The following ARHGAP42 variants were observed in gnomAD, a reference collection of about 807,000 sequenced individuals.
ARHGAP42 encodes rho GTPase-activating protein 42.
ARHGAP42 carries 63 observed loss-of-function variants against 125.0 expected under a neutral mutation model. The ratio of observed to expected loss-of-function variants is 0.50; its 90% confidence interval spans 0.41 to 0.62. The LOEUF is 0.62. Among genes scored for constraint, ARHGAP42 ranks in the 20% least tolerant of loss-of-function variants. The pLI, the probability that ARHGAP42 is intolerant of heterozygous loss-of-function variation, is 0.00. For missense variants in ARHGAP42, 766 were observed against 1,024.2 expected (o/e 0.75, Z 3.44); for synonymous variants, 339 against 351.0 (o/e 0.97, Z 0.38).
At chr11:100,819,265 G>C (rs1466170217) in intron 3 of ARHGAP42, among the ~76,000 whole-genome samples, 1 of 152,148 alleles carries the variant, frequency 6.6e-6, no homozygotes, top group East Asian at 1.9e-4. Flanking sequence ...GAAGGCTATT[G>C]TATTAATGCT....
chr11:100,699,500 A>ATTTT (rs1565532911), intron 1 of ARHGAP42, among the ~76,000 whole-genome samples: 3 of 40,140 alleles, frequency 7.5e-5, no homozygotes, highest in Admixed American at 3.8e-4. Flanking sequence ...ATATATATAT[A>ATTTT]TATATATTTT....
intron 10 of ARHGAP42, 89 bp from the exon 11 acceptor site, chr11:100,948,362 CTTAACT>C (rs1482223337): frequency 3.7e-5 from 30 of 805,250 alleles, no homozygotes; most frequent in African/African-American, 7.6e-5. Flanking sequence ...TCTCTTTTCT[CTTAACT>C]TTTTTTCTTC....
chr11:100,831,240 T>G (rs188235915), intron 3 of ARHGAP42, among the ~76,000 whole-genome samples: 18 of 152,226 alleles, frequency 1.2e-4, no homozygotes, highest in African/African-American at 4.1e-4. Flanking sequence ...GTGGACCTTG[T>G]AAAGGGTAGC....
chr11:100,788,172 T>G (rs2135021512), intron 2 of ARHGAP42, among the ~76,000 whole-genome samples: 1 of 152,336 alleles, frequency 6.6e-6, no homozygotes, highest in East Asian at 1.9e-4. Context: ...TTGCCTAAAC[T>G]TAACTCATCT....
At chr11:100,870,188 G>T (rs1865665202) in intron 4 of ARHGAP42, among the ~76,000 whole-genome samples, 1 of 152,146 alleles carries the variant, frequency 6.6e-6, no homozygotes, top group Non-Finnish European at 1.5e-5. Flanking sequence ...AATAGATCCA[G>T]TTACTTTTAG....
At chr11:100,976,704 T>C (rs1858399752) in intron 20 of ARHGAP42, 111 bp from the exon 21 acceptor site, 4 of 1,342,334 alleles carry the variant, frequency 3.0e-6, no homozygotes, top group Non-Finnish European at 4.0e-6. Flanking sequence ...ATTCTGTACC[T>C]TCCCATTTGG....
At chr11:100,867,428 A>T (rs548604118) in intron 4 of ARHGAP42, among the ~76,000 whole-genome samples, 60 of 152,294 alleles carry the variant, frequency 3.9e-4, no homozygotes, top group African/African-American at 1.3e-3. Context: ...TTGCTGCTTC[A>T]CCTGAGACGT....
chr11:100,941,741 A>G (rs1415662755), intron 8 of ARHGAP42, 43 bp from the exon 9 acceptor site: 1 of 1,245,602 alleles, frequency 8.0e-7, no homozygotes, highest in Non-Finnish European at 1.1e-6. Flanking sequence ...GATACAAATC[A>G]TTTATTAACA....
At position 100,921,245 on chromosome 11, in the gene ARHGAP42, ATTTTTTTTTTTTTTT is replaced by A. The variant is rs869131567; in HGVS notation, c.487-235_487-221del. Among the ~76,000 whole-genome samples the A allele has an allele frequency of 2.7e-4, 10 of 36,728 alleles. No individual in the cohort carries two copies. In the East Asian group the frequency reaches 7.7e-3, roughly 28 times the overall value. The allele number at this position is 36,728 out of a possible 152,430, so 24.1% of individuals were successfully genotyped here. On this transcript the variant is annotated intron_variant, in intron 5 of 23. Transcript: ENST00000298815. ...TATATATATATATATATATATATATATTTTTTTTTTTTTTTTTTTTTTTTTTTTACTGCAATGGGT... is the reference window on the plus strand; with the variant it reads ...TATATATATATATATATATATATATATTTTTTTTTTTTTACTGCAATGGGT...
intron 3 of ARHGAP42, among the ~76,000 whole-genome samples, chr11:100,810,664 T>C (rs941685049): frequency 6.6e-6 from 1 of 152,230 alleles, no homozygotes; most frequent in Non-Finnish European, 1.5e-5. Context: ...CATCTGAGAC[T>C]TTTAATTCTA....
At chr11:100,812,035 A>G (rs1864156844) in intron 3 of ARHGAP42, among the ~76,000 whole-genome samples, 1 of 152,186 alleles carries the variant, frequency 6.6e-6, no homozygotes, top group Admixed American at 6.5e-5. Flanking sequence ...TCCTGGGCTC[A>G]AATAATCCTC....
intron 22 of ARHGAP42, among the ~76,000 whole-genome samples, chr11:100,979,975 C>T (rs139896909): frequency 5.5e-4 from 83 of 152,184 alleles, no homozygotes; most frequent in African/African-American, 1.9e-3. Flanking sequence ...TTTCAGCAAA[C>T]ATTTATAAAG....
intron 3 of ARHGAP42, among the ~76,000 whole-genome samples, chr11:100,844,887 C>G (rs530771482): frequency 1.3e-5 from 2 of 152,194 alleles, no homozygotes; most frequent in Admixed American, 6.5e-5. Flanking sequence ...GTGGATATTC[C>G]TTAAAGAACT....
chr11:100,919,826 G>T (rs1867185429), intron 5 of ARHGAP42, among the ~76,000 whole-genome samples: 1 of 152,154 alleles, frequency 6.6e-6, no homozygotes, highest in Non-Finnish European at 1.5e-5. Flanking sequence ...ACTCCAGAGA[G>T]CCCTTTTCCT....
rs984815939 is a variant in ARHGAP42 at position 100,961,736 on chromosome 11, G to A, written c.1353G>A (p.Lys451=). Residue 451 remains lysine (K), a synonymous_variant, in exon 15 of 24, where the codon AAG becomes AAA. Transcript: ENST00000298815. ...TTGATATTGAACTGTGGGACAATAA[G>A]ACGATAACAAGTGGGCTGAAAAACT... The part of the protein sequence containing the change: ...IDIDIELWDN[K]TITSGLKNYL... 1.3e-6 allele frequency: 2 copies of A among 1,551,700 alleles called. No homozygotes were observed. Among genetic ancestry groups the A allele is most frequent in the South Asian group, 2.4e-5 (2 of 84,036 alleles).
At chr11:100,805,469 A>G (rs1863966236) in intron 3 of ARHGAP42, among the ~76,000 whole-genome samples, 1 of 152,208 alleles carries the variant, frequency 6.6e-6, no homozygotes, top group African/African-American at 2.4e-5. Flanking sequence ...GTTACTGAAA[A>G]GGGATCCCGA....
chr11:100,962,424 A>C lies in ARHGAP42; in HGVS notation c.1401A>C (p.Pro467=). Residue 467 remains proline (P), a synonymous_variant, in exon 16 of 24, where the codon CCA becomes CCC. Transcript: ENST00000298815. ...LKNYLRCLAE[P]LMTYKLHKDF... The stretch of plus-strand genomic sequence containing the variant: ...TCTGTTGTAGGTGCCTTGCAGAACC[A>C]CTGATGACTTACAAGTTGCACAAAG... 1 of 1,551,200 alleles carries C rather than the reference A, an allele frequency of 6.4e-7. No homozygotes were observed. Among genetic ancestry groups the C allele is most frequent in the Non-Finnish European group, 8.7e-7 (1 of 1,146,634 alleles).
At position 100,973,337 on chromosome 11, in the gene ARHGAP42, A is replaced by T. The variant is rs771112604; in HGVS notation, c.1710+3A>T. 6.5e-7 allele frequency: 1 copy of T among 1,548,074 alleles called. No homozygotes were observed. Among genetic ancestry groups the T allele is most frequent in the South Asian group, 1.2e-5 (1 of 83,046 alleles). Reference sequence around the variant, plus strand: ...TTCTGATAGAGCACTATGAAAAGGTAGGCGGAATTTTCATGTGGAAGTGTC... The same window carrying T: ...TTCTGATAGAGCACTATGAAAAGGTTGGCGGAATTTTCATGTGGAAGTGTC... On this transcript the variant is annotated splice_donor_region_variant and intron_variant, in intron 18 of 23. Transcript: ENST00000298815.
chr11:100,861,746 T>G lies in ARHGAP42; in HGVS notation c.384+2121T>G, dbSNP rs556168492. Among the ~76,000 whole-genome samples the G allele has an allele frequency of 5.3e-5, 8 of 152,300 alleles. No homozygotes were observed. The East Asian group carries it at 1.5e-3, about 29-fold the overall frequency. ...GGATGACAATGATGGTAAGTTGAGT[T>G]TTTAGTCATGATGAGTGAAATTTAG... On this transcript the variant is annotated intron_variant, in intron 4 of 23. Coordinates refer to ENST00000298815, the MANE Select transcript of ARHGAP42 (RefSeq NM_152432.4).
Sources: gnomAD v4.1 joint callset for allele counts (sites outside exome capture counted in the v4.1 genomes callset) on GRCh38, gnomAD v4.1.1 for gene constraint, MANE v1.5 for transcripts, NCBI Gene and HGNC (gene_info 2026-07-23, HGNC 2026-07-21) for gene names.